Variants in GPR158 observed in about 807,000 individuals in gnomAD.
GPR158 encodes G protein-coupled receptor 158, also known as metabotropic glycine receptor.
Under a neutral mutation model 78.2 loss-of-function variants are expected in GPR158, and 30 were observed. The observed-to-expected ratio is 0.38, with a 90% CI of 0.29 to 0.52. The LOEUF (loss-of-function observed/expected upper bound fraction) is 0.52. Among genes scored for constraint, GPR158 ranks in the 20% least tolerant of loss-of-function variants. The pLI, the probability that GPR158 is intolerant of heterozygous loss-of-function variation, is 0.83. For missense variants in GPR158, 1,463 were observed against 1,523.5 expected, an observed-to-expected ratio of 0.96 and a Z score of 0.66; for synonymous variants, 581 against 591.1, an observed-to-expected ratio of 0.98 and a Z score of 0.25.
At chr10:25,327,853 ATGAT>A (rs972942900) in intron 2 of GPR158, among the ~76,000 whole-genome samples, 59 of 152,268 alleles carry the variant, frequency 3.9e-4, no homozygotes, top group African/African-American at 1.1e-3. Flanking sequence ...GTTTGGTAAA[ATGAT>A]TGGAATATTT....
chr10:25,378,161 T>C (rs1255766187), intron 2 of GPR158, among the ~76,000 whole-genome samples: 3 of 152,126 alleles, frequency 2.0e-5, no homozygotes, highest in Admixed American at 2.0e-4. Context: ...ACTTAACTTG[T>C]CTAACCAGCA....
chr10:25,527,534 A>C (rs953924459), intron 5 of GPR158, among the ~76,000 whole-genome samples: 2 of 152,186 alleles, frequency 1.3e-5, no homozygotes, highest in African/African-American at 4.8e-5. Flanking sequence ...TTCAAATGGA[A>C]TGATAGTGAA....
chr10:25,341,665 G>A (rs1209111256), intron 2 of GPR158, among the ~76,000 whole-genome samples: 1 of 151,550 alleles, frequency 6.6e-6, no homozygotes, highest in African/African-American at 2.4e-5. Flanking sequence ...TATCTTTTTG[G>A]CATAAGCAAA....
intron 5 of GPR158, among the ~76,000 whole-genome samples, chr10:25,499,515 T>G (rs1428145329): frequency 6.6e-6 from 1 of 152,256 alleles, no homozygotes; most frequent in Non-Finnish European, 1.5e-5. Context: ...ATCACCTGTT[T>G]GCTTTTGGAG....
chr10:25,229,129 G>GA lies in GPR158; in HGVS notation c.1008+7977dup, dbSNP rs1169123829. Among the ~76,000 whole-genome samples, 4 of 151,808 alleles carry GA rather than the reference G, an allele frequency of 2.6e-5. No individual in the cohort carries two copies. The East Asian group carries it at 5.8e-4, about 22-fold the overall frequency. ...CAAGAGGGCATATGCAACCTCAAAA[G>GA]AAAAATCTGTCTATCTTATAAATGT... On this transcript the variant is annotated intron_variant, in intron 2 of 10. Transcript: ENST00000376351.
intron 6 of GPR158, among the ~76,000 whole-genome samples, chr10:25,560,235 G>A (rs1836843615): frequency 6.6e-6 from 1 of 152,116 alleles, no homozygotes; most frequent in Non-Finnish European, 1.5e-5. Context: ...GCAATGGTAA[G>A]TAGGATTTTT....
intron 5 of GPR158, among the ~76,000 whole-genome samples, chr10:25,483,373 C>T (rs1460733173): frequency 6.6e-6 from 1 of 151,644 alleles, no homozygotes; most frequent in Non-Finnish European, 1.5e-5. Context: ...TTGCTTTTTC[C>T]TCCCCCCTTT....
chr10:25,534,734 ACAGAGCAAGAAG>A, intron 5 of GPR158, among the ~76,000 whole-genome samples: 1 of 152,196 alleles, frequency 6.6e-6, no homozygotes, highest in African/African-American at 2.4e-5. Flanking sequence ...AGCCTGCGTG[ACAGAGCAAGAAG>A]TGACAGAGCA....
chr10:25,373,230 G>A (rs1588832350), intron 2 of GPR158, among the ~76,000 whole-genome samples: 1 of 151,850 alleles, frequency 6.6e-6, no homozygotes, highest in African/African-American at 2.4e-5. Flanking sequence ...ATAAGTGGGA[G>A]CTGAATGATA....
chr10:25,377,196 G>T (rs1486959170), intron 2 of GPR158, among the ~76,000 whole-genome samples: 2 of 151,394 alleles, frequency 1.3e-5, no homozygotes. Flanking sequence ...GTTTTCTATT[G>T]TTCCCATGTT....
At chr10:25,325,744 TC>T (rs1415021384) in intron 2 of GPR158, among the ~76,000 whole-genome samples, 3 of 152,292 alleles carry the variant, frequency 2.0e-5, no homozygotes, top group African/African-American at 7.2e-5. Flanking sequence ...GTATAAGTGT[TC>T]CCTTTTCTCC....
chr10:25,236,705 G>A lies in GPR158; in HGVS notation c.1008+15548G>A, dbSNP rs548121257. 5.9e-5 allele frequency among the ~76,000 whole-genome samples: 9 copies of A among 151,698 alleles called. No individual in the cohort carries two copies. In the East Asian group the frequency reaches 1.8e-3, roughly 30 times the overall value. On this transcript the variant is annotated intron_variant, in intron 2 of 10. Coordinates refer to ENST00000376351, the MANE Select transcript of GPR158 (RefSeq NM_020752.3). ...TCCTTTGAGTCCTAGAGTTGCTCTC[G>A]GTGAGCCTTTAGCAGCCTATTCTCC...
chr10:25,227,913 A>G (rs1382614994), intron 2 of GPR158, among the ~76,000 whole-genome samples: 2 of 152,212 alleles, frequency 1.3e-5, no homozygotes, highest in African/African-American at 2.4e-5. Context: ...GCAAGCAGTA[A>G]AAAAGAATTG....
chr10:25,564,386 C>G (rs981201146), intron 6 of GPR158, among the ~76,000 whole-genome samples: 1 of 152,132 alleles, frequency 6.6e-6, no homozygotes, highest in Non-Finnish European at 1.5e-5. Flanking sequence ...CATCTCATTT[C>G]CCATTCTTTC....
At chr10:25,422,757 G>A (rs1032107380) in intron 4 of GPR158, among the ~76,000 whole-genome samples, 5 of 151,656 alleles carry the variant, frequency 3.3e-5, no homozygotes, top group African/African-American at 9.7e-5. Flanking sequence ...TGGGTTACAC[G>A]AATAAGTTCT....
Position 25,598,114 on chromosome 10 carries a change from G to A in GPR158, c.2488G>A (p.Glu830Lys). Residue 830 changes from glutamate to lysine, a missense_variant, in exon 11 of 11, where the codon GAG becomes AAG. By Grantham distance (56) the Glu-to-Lys change is moderately conservative (BLOSUM62 1). Transcript: ENST00000376351. ...TGACCACGTGAGAGACCAAACGGAAGAGTCCAGTAGCCTACCCACAGAAAG... is the reference window on the plus strand; with the variant it reads ...TGACCACGTGAGAGACCAAACGGAAAAGTCCAGTAGCCTACCCACAGAAAG... ...TYDHVRDQTE[E>K]SSSLPTESQE... The A allele has an allele frequency of 6.2e-7, 1 of 1,614,122 alleles. No homozygotes were observed. Among genetic ancestry groups the A allele is most frequent in the Non-Finnish European group, 8.5e-7 (1 of 1,180,020 alleles).
chr10:25,300,515 G>T (rs530973097), intron 2 of GPR158, among the ~76,000 whole-genome samples: 31 of 152,102 alleles, frequency 2.0e-4, no homozygotes, highest in African/African-American at 7.5e-4. Flanking sequence ...CAGATTCTGG[G>T]TATTAGGGTG....
chr10:25,199,140 T>C (rs986224464), intron 1 of GPR158, among the ~76,000 whole-genome samples: 4 of 151,034 alleles, frequency 2.6e-5, no homozygotes, highest in Non-Finnish European at 5.9e-5. Flanking sequence ...GTTTTTTTTT[T>C]GCTTTTATTA....
chr10:25,224,843 C>T (rs1176276640), intron 2 of GPR158, among the ~76,000 whole-genome samples: 1 of 152,078 alleles, frequency 6.6e-6, no homozygotes, highest in Non-Finnish European at 1.5e-5. Context: ...TAATTCGAAA[C>T]CTGGTCATTT....
Sources: gnomAD v4.1 joint callset for allele counts (sites outside exome capture counted in the v4.1 genomes callset) on GRCh38, gnomAD v4.1.1 for gene constraint, MANE v1.5 for transcripts, NCBI Gene and HGNC (gene_info 2026-07-23, HGNC 2026-07-21) for gene names.